Variants in FAM186A observed in about 807,000 individuals in gnomAD.
The protein encoded by FAM186A is family with sequence similarity 186 member A.
FAM186A carries 163 observed loss-of-function variants against 216.8 expected under a neutral mutation model. The observed-to-expected ratio is 0.75, with a 90% CI of 0.66 to 0.86. The LOEUF (loss-of-function observed/expected upper bound fraction) is 0.86. Among genes scored for constraint, FAM186A ranks in the 40% least tolerant of loss-of-function variants. The pLI is 0.00. For synonymous variants in FAM186A, 805 were observed against 1,025.3 expected (o/e 0.79, Z 4.10); for missense variants, 2,184 against 2,746.2 (o/e 0.80, Z 4.58).
In FAM186A at chr12:50,331,682, CAT is replaced by C; in HGVS notation, c.6834_6835del (p.Ile2278MetfsTer5). The C allele has an allele frequency of 6.5e-7, 1 of 1,540,758 alleles. No homozygotes were observed. The highest frequency in any genetic ancestry group is 8.7e-7 in the Non-Finnish European group (1 of 1,144,790). On this transcript the variant is annotated frameshift_variant, in exon 6 of 8. Coordinates refer to ENST00000327337, the MANE Select transcript of FAM186A (RefSeq NM_001145475.3). LOFTEE classifies it high-confidence loss of function. ...TTCTAGCACATACCTAAATTTCTTG[CAT>C]ATGTCAGAGGTTCTGTCCTCTTCCA...
chr12:50,340,595 G>A (rs915444961), intron 4 of FAM186A, among the ~76,000 whole-genome samples: 8 of 151,392 alleles, frequency 5.3e-5, no homozygotes, highest in African/African-American at 9.7e-5. Flanking sequence ...AGGTCGCTTC[G>A]GCCCAGGAGT....
At chr12:50,338,407 G>A (rs1942731022) in intron 4 of FAM186A, among the ~76,000 whole-genome samples, 1 of 152,066 alleles carries the variant, frequency 6.6e-6, no homozygotes, top group Non-Finnish European at 1.5e-5. Flanking sequence ...CACCATGTTG[G>A]CTAGGCTGGT....
intron 1 of FAM186A, 39 bp from the exon 2 acceptor site, chr12:50,363,403 T>C (rs757127855): frequency 6.7e-7 from 1 of 1,486,852 alleles, no homozygotes; most frequent in South Asian, 1.2e-5. Flanking sequence ...AATCTTCAGT[T>C]TGAAAAGAAG....
intron 1 of FAM186A, among the ~76,000 whole-genome samples, chr12:50,385,709 G>A (rs1049221211): frequency 6.0e-5 from 9 of 150,712 alleles, no homozygotes; most frequent in Admixed American, 2.0e-4. Context: ...TAGACCATCC[G>A]GGCTAACATG....
At position 50,354,244 on chromosome 12, in the gene FAM186A, T is replaced by A; in HGVS notation, c.2588A>T (p.Glu863Val). ...HYEKISENWE[E>V]KKAWLQMKEG... ...CTTCATCTGGAGCCATGCCTTTTTT[T>A]CTTCCCAATTCTCACTTATCTTCTC... is the stretch of plus-strand genomic sequence containing the variant. The change falls in exon 4 of 8, where the codon GAA (glutamate) becomes GTA (valine). Residue 863 changes from glutamate to valine, a missense_variant. Around this residue, in one of 7 missense-constraint regions of FAM186A, gnomAD observed 1,132 missense variants for 1,263.4 expected, o/e 0.90. Transcript: ENST00000327337. 1 of 1,551,674 alleles carries A rather than the reference T, an allele frequency of 6.4e-7. No homozygotes were observed. The highest frequency in any genetic ancestry group is 8.7e-7 in the Non-Finnish European group (1 of 1,146,992).
At position 50,351,597 on chromosome 12, in the gene FAM186A, A is replaced by C. The variant is rs1006889933; in HGVS notation, c.5235T>G (p.Pro1745=). ...CGAATATAGAGGACTTCTCAGCAGT[A>C]GGAGCTGATGATGCCAGGGACAGCC... ...SLRLSLASSA[P]TAEKSSIFGV... The change falls in exon 4 of 8, where the codon CCT becomes CCG. Residue 1745 remains proline, a synonymous_variant. Transcript: ENST00000327337. The C allele has an allele frequency of 6.4e-7, 1 of 1,551,446 alleles. No homozygotes were observed. The highest frequency in any genetic ancestry group is 2.0e-5 in the Admixed American group (1 of 50,976).
At chr12:50,341,086 C>G (rs1028696052) in intron 4 of FAM186A, among the ~76,000 whole-genome samples, 2 of 152,014 alleles carry the variant, frequency 1.3e-5, no homozygotes, top group African/African-American at 4.8e-5. Context: ...CATGAGCCAC[C>G]GCGCCCAGCT....
chr12:50,368,570 G>A (rs1357082340), intron 1 of FAM186A, among the ~76,000 whole-genome samples: 1 of 152,038 alleles, frequency 6.6e-6, no homozygotes, highest in Non-Finnish European at 1.5e-5. Flanking sequence ...ATTTAATATT[G>A]TTAAGATGTC....
Position 50,366,626 on chromosome 12 carries a change from C to CA in FAM186A, c.193-3263dup, listed in dbSNP as rs61606774. On this transcript the variant is annotated intron_variant, in intron 1 of 7. Coordinates refer to ENST00000327337, the MANE Select transcript of FAM186A (RefSeq NM_001145475.3). ...CAATGTGCCAAATGAATAGAATGAC[C>CA]AAAAAAAAAAAAAAAAAAAAAACGT... 2.4e-3 allele frequency among the ~76,000 whole-genome samples: 120 copies of CA among 49,380 alleles called. 1 individual carries two copies. The highest frequency in any genetic ancestry group is 9.5e-3 in the African/African-American group (115 of 12,076). 32.4% of individuals were successfully genotyped at this position (49,380 alleles called of 152,430 possible). A position where few individuals can be genotyped will look rare whatever the true frequency, so the allele number is the denominator to read the frequency against.
In FAM186A at chr12:50,355,237, C is replaced by T. The variant is rs888162978; in HGVS notation, c.1595G>A (p.Ser532Asn). 6.4e-7 allele frequency: 1 copy of T among 1,551,704 alleles called. No individual in the cohort carries two copies. Among genetic ancestry groups the T allele is most frequent in the Admixed American group, 2.0e-5 (1 of 50,996 alleles). ...RKHLSLTETK[S>N]QGGKSGTSMM... ...ACTTGTTCCACTTTTGCCACCTTGG[C>T]TCTTTGTTTCAGTTAAAGAGAGATG... The change falls in exon 4 of 8, where the codon AGC becomes AAC. Residue 532 changes from serine to asparagine, a missense_variant. Ser to Asn is a conservative substitution (Grantham distance 46). Transcript: ENST00000327337.
chr12:50,354,359 G>C lies in FAM186A; in HGVS notation c.2473C>G (p.Gln825Glu). ...TGTTCTTGACCCTCTTGCAAATATT[G>C]CTCCTGCCTTTGTTTTTCCTTCTCC... ...HKEKEKQRQE[Q>E]YLQEGQEQMS... Residue 825 changes from glutamine to glutamate, a missense_variant, in exon 4 of 8, where the codon CAA becomes GAA. By Grantham distance (29) the Gln-to-Glu change is conservative. Coordinates refer to ENST00000327337, the MANE Select transcript of FAM186A (RefSeq NM_001145475.3). 1 of 1,551,502 alleles carries C rather than the reference G, an allele frequency of 6.4e-7. No homozygotes were observed. Among genetic ancestry groups the C allele is most frequent in the African/African-American group, 1.4e-5 (1 of 73,116 alleles).
At chr12:50,361,183 A>ATG (rs796599943) in intron 2 of FAM186A, among the ~76,000 whole-genome samples, 87 of 151,948 alleles carry the variant, frequency 5.7e-4, no homozygotes, top group Admixed American at 1.5e-3. Flanking sequence ...GGTACCTAAA[A>ATG]TGTGTGTGTG....
intron 6 of FAM186A, 99 bp downstream of exon 6, chr12:50,331,571 A>G: frequency 8.5e-7 from 1 of 1,183,430 alleles, no homozygotes; most frequent in Non-Finnish European, 1.2e-6. Flanking sequence ...CCATTGCACC[A>G]TTTGATAATT....
chr12:50,379,464 A>AGG (rs1565895111), intron 1 of FAM186A, among the ~76,000 whole-genome samples: 1,082 of 31,722 alleles, frequency 0.034, 15 homozygotes, highest in African/African-American at 0.076. Flanking sequence ...AGAAAAAAAG[A>AGG]GGGAAAAACA....
intron 1 of FAM186A, among the ~76,000 whole-genome samples, chr12:50,372,837 G>T (rs1224571952): frequency 6.7e-6 from 1 of 149,396 alleles, no homozygotes; most frequent in Non-Finnish European, 1.5e-5. Flanking sequence ...GGAGGCAGAG[G>T]TTACTGTGAG....
intron 1 of FAM186A, among the ~76,000 whole-genome samples, chr12:50,367,647 A>G (rs941064769): frequency 1.3e-5 from 2 of 151,958 alleles, no homozygotes; most frequent in Non-Finnish European, 2.9e-5. Flanking sequence ...AACTCTATAT[A>G]TGTAGAAAGC....
Position 50,356,206 on chromosome 12 carries a change from A to T in FAM186A, c.626T>A (p.Ile209Lys). ...AGCACGGGCTGTTGAAGGTCGTTTT[A>T]TAACTCTTTCTTTCCAAGATTTCCA... ...TLWKSWKERV[I>K]KRPSTARALR... The change falls in exon 4 of 8, where the codon ATA becomes AAA. Residue 209 changes from isoleucine to lysine, a missense_variant. Ile to Lys is a moderately radical substitution (Grantham distance 102). This residue lies in a region of FAM186A where 1,132 missense variants were observed against 1,263.4 expected (regional missense o/e 0.90). Transcript: ENST00000327337. 6.4e-7 allele frequency: 1 copy of T among 1,550,934 alleles called. No homozygotes were observed. The highest frequency in any genetic ancestry group is 2.0e-5 in the Admixed American group (1 of 50,916).
chr12:50,370,518 T>C (rs561909472), intron 1 of FAM186A, among the ~76,000 whole-genome samples: 1 of 152,252 alleles, frequency 6.6e-6, no homozygotes, highest in South Asian at 2.1e-4. Flanking sequence ...TGGGTGAGGC[T>C]GTGCAAAATT....
At chr12:50,328,441 A>G (rs1031750759) in intron 7 of FAM186A, among the ~76,000 whole-genome samples, 2 of 152,202 alleles carry the variant, frequency 1.3e-5, no homozygotes, top group African/African-American at 4.8e-5. Context: ...ATGTAGCTCT[A>G]TATTTATTAG....
Sources: gnomAD v4.1 joint callset for allele counts (sites outside exome capture counted in the v4.1 genomes callset) on GRCh38, gnomAD v4.1.1 for gene constraint, gnomAD v4.1.1 regional missense constraint, MANE v1.5 for transcripts, NCBI Gene and HGNC (gene_info 2026-07-23, HGNC 2026-07-21) for gene names.